WDR87: variants seen among roughly 807,000 people sequenced by gnomAD.
WDR87 encodes WD repeat-containing protein 87.
A neutral mutation model predicts 83.3 loss-of-function variants in WDR87; 56 were observed. The ratio of observed to expected loss-of-function variants is 0.67; its 90% CI spans 0.54 to 0.84. The LOEUF (loss-of-function observed/expected upper bound fraction) is 0.84, where lower values mean the gene tolerates loss of function less well. Among genes scored for constraint, WDR87 ranks in the 40% least tolerant of loss-of-function variants. The probability of loss-of-function intolerance (pLI) is 0.00; values close to 1 mark genes in which losing one functional copy is unlikely to be tolerated. For synonymous variants in WDR87, 1,173 were observed against 1,250.6 expected, an observed-to-expected ratio of 0.94 and a Z score of 1.31; for missense variants, 2,939 against 3,431.9, an observed-to-expected ratio of 0.86 and a Z score of 3.59.
In WDR87 at chr19:37,894,773, C is replaced by G; in HGVS notation, c.930G>C (p.Trp310Cys). 6.4e-7 allele frequency: 1 copy of G among 1,551,738 alleles called. No individual in the cohort carries two copies. Among genetic ancestry groups the G allele is most frequent in the Non-Finnish European group, 8.7e-7 (1 of 1,147,004 alleles). Residue 310 changes from tryptophan to cysteine, a missense_variant, in exon 4 of 6, where the codon TGG becomes TGC. This residue lies in a region of WDR87 where 553 missense variants were observed against 577.9 expected (regional missense o/e 0.96). Transcript: ENST00000447313. ...GAAGCAGGCTCCCTGAAGTCAGGTT[C>G]CACTCCTTGATTAGGCTGTCACTAC... The part of the protein sequence containing the change: ...TAGSDSLIKE[W>C]NLTSGSLLRR...
At position 37,895,171 on chromosome 19, in the gene WDR87, C is replaced by T. The variant is rs1363392125; in HGVS notation, c.532G>A (p.Glu178Lys). The T allele has an allele frequency of 6.4e-7, 1 of 1,551,724 alleles. No individual in the cohort carries two copies. Among genetic ancestry groups the T allele is most frequent in the Admixed American group, 2.0e-5 (1 of 51,012 alleles). ...ATTTGGAGGCCCGTGCCACCTAGCT[C>T]AATGACCCAGGTCACCACTGCCCCC... ...ILGAVVTWVI[E>K]LGGTGLQIAH... The change falls in exon 4 of 6, where the codon GAG (glutamate) becomes AAG (lysine). Residue 178 changes from glutamate (E) to lysine (K), a missense_variant. This residue lies in a region of WDR87 where 226 missense variants were observed against 320.9 expected (regional missense o/e 0.70). Transcript: ENST00000447313.
intron 1 of WDR87, among the ~76,000 whole-genome samples, chr19:37,899,723 CG>C (rs1196151362): frequency 2.0e-5 from 3 of 152,254 alleles, no homozygotes; most frequent in African/African-American, 7.2e-5. Context: ...GCTGGGATTT[CG>C]GGCATGAGCC....
In WDR87 at chr19:37,885,690, G is replaced by T; in HGVS notation, c.7981C>A (p.Gln2661Lys). The T allele has an allele frequency of 4.5e-6, 7 of 1,551,764 alleles. No individual in the cohort carries two copies. The highest frequency in any genetic ancestry group is 5.2e-6 in the Non-Finnish European group (6 of 1,147,004). ...SWPKPLAVPT[Q>K]KSPLATKRIP... ...CTCTTGGTAGCTAATGGGGACTTTTGTGTGGGGACAGCCAAAGGTTTTGGC... is the reference window on the plus strand; with the variant it reads ...CTCTTGGTAGCTAATGGGGACTTTTTTGTGGGGACAGCCAAAGGTTTTGGC... Residue 2661 changes from glutamine (Q) to lysine (K), a missense_variant, in exon 6 of 6, where the codon CAA becomes AAA. By Grantham distance (53) the Gln-to-Lys change is moderately conservative (BLOSUM62 1). Around this residue, in one of 3 missense-constraint regions of WDR87, gnomAD observed 2,160 missense variants for 2,533.1 expected, o/e 0.85. Transcript: ENST00000447313.
rs2032400440 is a variant in WDR87, at chr19:37,885,792, T to A, written c.7879A>T (p.Ile2627Phe). 2.6e-6 allele frequency: 4 copies of A among 1,551,804 alleles called. No individual in the cohort carries two copies. The highest frequency in any genetic ancestry group is 3.5e-6 in the Non-Finnish European group (4 of 1,147,018). ...RQALESQDTR[I>F]SSRQSMSPKY... ...GGACTCATGGACTGTCTACTTGAGA[T>A]CCTTGTGTCTTGTGACTCCAGGGCC... Residue 2627 changes from isoleucine to phenylalanine, a missense_variant, in exon 6 of 6, where the codon ATC (isoleucine) becomes TTC (phenylalanine). Physicochemically the swap from Ile to Phe is conservative, Grantham distance 21. Coordinates refer to ENST00000447313, the MANE Select transcript of WDR87 (RefSeq NM_001291088.2).
chr19:37,903,628 C>G (rs2046305590), intron 1 of WDR87, among the ~76,000 whole-genome samples: 1 of 152,072 alleles, frequency 6.6e-6, no homozygotes, highest in South Asian at 2.1e-4. Context: ...CACTCCGGCT[C>G]AAGTGATCCT....
In WDR87 at chr19:37,896,137, CT is replaced by C. The variant is rs1480689034; in HGVS notation, c.246del (p.Ala83LeufsTer2). On this transcript the variant is annotated frameshift_variant and splice_region_variant, in exon 3 of 6. Coordinates refer to ENST00000447313, the MANE Select transcript of WDR87 (RefSeq NM_001291088.2). LOFTEE classifies it high-confidence loss of function. The stretch of plus-strand genomic sequence containing the variant: ...AAGAAGGGTAAGAAAGGCAGTCTTA[CT>C]TGTATTTCTTTTGTGTTTGATGTCA... ...SWVTSNTKEI[Q>X]AVAWMKSKTE... 6.4e-7 allele frequency: 1 copy of C among 1,552,172 alleles called. No individual in the cohort carries two copies. The highest frequency in any genetic ancestry group is 2.4e-5 in the East Asian group (1 of 40,928).
intron 3 of WDR87, 190 bp downstream of exon 3, chr19:37,895,948 G>C (rs1049058269): frequency 3.1e-5 from 23 of 742,022 alleles, no homozygotes; most frequent in African/African-American, 5.4e-5. Flanking sequence ...TCCTAACCTT[G>C]GTTTACTTCG....
At chr19:37,906,038 T>C (rs2046325622) in intron 1 of WDR87, among the ~76,000 whole-genome samples, 1 of 152,148 alleles carries the variant, frequency 6.6e-6, no homozygotes, top group African/African-American at 2.4e-5. Flanking sequence ...AACATATGCT[T>C]CCCAGCTTCA....
chr19:37,890,413 A>C (rs903209740), intron 5 of WDR87, 137 bp from the exon 6 acceptor site: 384 of 1,154,538 alleles, frequency 3.3e-4, no homozygotes, highest in South Asian at 4.5e-4. Flanking sequence ...TAAAAAAAAA[A>C]AGCATTCTCT....
Position 37,886,154 on chromosome 19 carries a change from A to G in WDR87, c.7517T>C (p.Met2506Thr). ...CACGGTCCTCCTTAATATGTGGGACATAAATGGGGTCTTTAAGTCCTGTGC... is the reference window on the plus strand; with the variant it reads ...CACGGTCCTCCTTAATATGTGGGACGTAAATGGGGTCTTTAAGTCCTGTGC... The part of the protein sequence containing the change: ...SQAQDLKTPF[M>T]SHILRRTVEA... The change falls in exon 6 of 6, where the codon ATG becomes ACG. Residue 2506 changes from methionine (M) to threonine (T), a missense_variant. By Grantham distance (81) the Met-to-Thr change is moderately conservative. Around this residue, in one of 3 missense-constraint regions of WDR87, gnomAD observed 2,160 missense variants for 2,533.1 expected, o/e 0.85. Coordinates refer to ENST00000447313, the MANE Select transcript of WDR87 (RefSeq NM_001291088.2). 1 of 1,551,770 alleles carries G rather than the reference A, an allele frequency of 6.4e-7. No homozygotes were observed. Among genetic ancestry groups the G allele is most frequent in the Non-Finnish European group, 8.7e-7 (1 of 1,147,004 alleles).
rs758526021 is a variant in WDR87 at position 37,894,292 on chromosome 19, G to A, written c.1411C>T (p.Arg471Trp). Residue 471 changes from arginine (R) to tryptophan (W), a missense_variant, in exon 4 of 6, where the codon CGG becomes TGG. Coordinates refer to ENST00000447313, the MANE Select transcript of WDR87 (RefSeq NM_001291088.2). ...CLAYGHFNLG[R>W]GLEGLIFSGH... ...GAGAATATCAGTCCCTCTAGACCCC[G>A]CCCCAAGTTGAAATGCCCATAAGCC... 14 of 1,551,536 alleles carry A rather than the reference G, an allele frequency of 9.0e-6. No individual in the cohort carries two copies. The highest frequency in any genetic ancestry group is 7.3e-5 in the East Asian group (3 of 40,920).
At chr19:37,903,353 G>A (rs1004976480) in intron 1 of WDR87, among the ~76,000 whole-genome samples, 2 of 152,170 alleles carry the variant, frequency 1.3e-5, no homozygotes, top group Non-Finnish European at 2.9e-5. Flanking sequence ...TAGGGCTGGG[G>A]GTGGAATGCA....
rs771715507 is a variant in WDR87 at position 37,884,910 on chromosome 19, C to T, written c.*22G>A. On this transcript the variant is annotated 3_prime_UTR_variant, in exon 6 of 6. Transcript: ENST00000447313. Reference sequence around the variant, plus strand: ...TTTCTCCAGTTGGCAATGAAAAGTCCCAGCCTCCAGTCAGTCCCAAATTAG... The same window carrying T: ...TTTCTCCAGTTGGCAATGAAAAGTCTCAGCCTCCAGTCAGTCCCAAATTAG... 2.0e-5 allele frequency: 25 copies of T among 1,276,896 alleles called. No individual in the cohort carries two copies. Among genetic ancestry groups the T allele is most frequent in the African/African-American group, 1.9e-4 (12 of 64,688 alleles). 79.1% of individuals were successfully genotyped at this position (1,276,896 alleles called of 1,614,324 possible).
intron 1 of WDR87, among the ~76,000 whole-genome samples, chr19:37,903,880 T>C (rs1192729321): frequency 6.6e-6 from 1 of 152,042 alleles, no homozygotes; most frequent in Non-Finnish European, 1.5e-5. Context: ...GCTATTATCC[T>C]CCCTGTAATT....
intron 1 of WDR87, among the ~76,000 whole-genome samples, chr19:37,904,385 G>GTC (rs2046310911): frequency 6.7e-6 from 1 of 148,554 alleles, no homozygotes; most frequent in South Asian, 2.1e-4. Flanking sequence ...TTGAGATGGA[G>GTC]TCTCTGTCTG....
At chr19:37,898,367 A>C in intron 1 of WDR87, 82 bp from the exon 2 acceptor site, 4 of 1,448,498 alleles carry the variant, frequency 2.8e-6, no homozygotes, top group Non-Finnish European at 3.7e-6. Flanking sequence ...CAATGAACTC[A>C]TGTTTATTGA....
rs186101025 is a variant in WDR87 at position 37,887,163 on chromosome 19, C to A, written c.6508G>T (p.Glu2170Ter). 3.9e-6 allele frequency: 6 copies of A among 1,551,292 alleles called. No individual in the cohort carries two copies. The East Asian group carries it at 1.5e-4, about 38-fold the overall frequency. Residue 2170 changes from glutamate to a stop codon, truncating the protein, a stop_gained, in exon 6 of 6, where the codon GAA becomes TAA. Transcript: ENST00000447313. LOFTEE classifies it low-confidence loss of function (END_TRUNC). ...AGTTTCTTCTCATCTTTAGTCAGTT[C>A]TGATCGTTTTTCAGAAAAATCCCAC... ...KEWDFSEKRSELTKDEKKLAR... is the reference protein window; with the variant it reads ...KEWDFSEKRS
At position 37,898,299 on chromosome 19, in the gene WDR87, A is replaced by G; in HGVS notation, c.-46-14T>C. On this transcript the variant is annotated splice_polypyrimidine_tract_variant and intron_variant, in intron 1 of 5. Coordinates refer to ENST00000447313, the MANE Select transcript of WDR87 (RefSeq NM_001291088.2). ...TTGCTTAAAAACCTGTGGGAATCCA[A>G]AAGAGCCCAGCTTAGTCACTGCCAT... 1.3e-6 allele frequency: 2 copies of G among 1,535,000 alleles called. No homozygotes were observed. Among genetic ancestry groups the G allele is most frequent in the Non-Finnish European group, 1.8e-6 (2 of 1,140,440 alleles).
In WDR87 at chr19:37,895,093, T is replaced by G; in HGVS notation, c.610A>C (p.Asn204His). 2 of 1,551,654 alleles carry G rather than the reference T, an allele frequency of 1.3e-6. No individual in the cohort carries two copies. The highest frequency in any genetic ancestry group is 1.7e-6 in the Non-Finnish European group (2 of 1,146,982). ...GDELVQDIVLNGPSGSLLALC... is the reference protein window; with the variant it reads ...GDELVQDIVLHGPSGSLLALC... Reference sequence around the variant, plus strand: ...GCCAGGAGGGAGCCACTGGGACCATTCAGCACGATGTCCTGGACAAGCTCA... The same window carrying G: ...GCCAGGAGGGAGCCACTGGGACCATGCAGCACGATGTCCTGGACAAGCTCA... Residue 204 changes from asparagine (N) to histidine (H), a missense_variant, in exon 4 of 6, where the codon AAT becomes CAT. Physicochemically the swap from Asn to His is moderately conservative, Grantham distance 68. Transcript: ENST00000447313.
Sources: gnomAD v4.1 joint callset for allele counts (sites outside exome capture counted in the v4.1 genomes callset) on GRCh38, gnomAD v4.1.1 for gene constraint, gnomAD v4.1.1 regional missense constraint, MANE v1.5 for transcripts, NCBI Gene and HGNC (gene_info 2026-07-23, HGNC 2026-07-21) for gene names.